The following PCBP3 variants were observed in gnomAD, a reference collection of about 807,000 sequenced individuals.
PCBP3 encodes poly(rC) binding protein 3, also known as poly(rC)-binding protein 3.
PCBP3 carries 25 observed loss-of-function variants against 52.7 expected under a neutral mutation model. That is an observed-to-expected ratio of 0.47 (90% CI 0.35 to 0.66). The LOEUF (loss-of-function observed/expected upper bound fraction) is 0.66, where lower values mean the gene tolerates loss of function less well. PCBP3 is among the 30% of genes least tolerant of loss of function. PCBP3 has a pLI of 0.01. For missense variants in PCBP3, 391 were observed against 490.3 expected (o/e 0.80, Z 1.91); for synonymous variants, 162 against 183.0 (o/e 0.89, Z 0.93).
At chr21:45,684,118 C>T (rs2082017778) in intron 2 of PCBP3, among the ~76,000 whole-genome samples, 1 of 151,006 alleles carries the variant, frequency 6.6e-6, no homozygotes, top group Non-Finnish European at 1.5e-5. Flanking sequence ...GTCCCAGCTT[C>T]TCTGGAGGTT....
chr21:45,797,590 ATGGATGAATGCATGG>A (rs2092005148), intron 4 of PCBP3, among the ~76,000 whole-genome samples: 1 of 1,288 alleles, frequency 7.8e-4, no homozygotes, highest in African/African-American at 3.2e-3. Context: ...GTGTGCATGG[ATGGATGAATGCATGG>A]ATGGATGAAT....
chr21:45,762,454 G>A (rs1345404319), intron 4 of PCBP3: 1 of 151,088 alleles, frequency 6.6e-6, no homozygotes, highest in African/African-American at 2.4e-5. Context: ...CTTAAGGGAG[G>A]GTAATTGTGC....
chr21:45,913,543 G>A (rs1040906303), intron 11 of PCBP3, among the ~76,000 whole-genome samples: 1 of 152,288 alleles, frequency 6.6e-6, no homozygotes, highest in East Asian at 1.9e-4. Flanking sequence ...GCACCGCAGG[G>A]GGCCGTCTGG....
At chr21:45,881,662 G>A (rs11911051) in intron 5 of PCBP3, among the ~76,000 whole-genome samples, 2,468 of 152,184 alleles carry the variant, frequency 0.016, 81 homozygotes, top group African/African-American at 0.056. Context: ...CAGCTCCCCA[G>A]CCTGTTTGAC....
chr21:45,727,485 G>A (rs1193404727), intron 2 of PCBP3, among the ~76,000 whole-genome samples: 1 of 152,248 alleles, frequency 6.6e-6, no homozygotes, highest in Admixed American at 6.5e-5. Flanking sequence ...AGGGCCACAT[G>A]GGAAGCACCG....
At chr21:45,898,362 T>TCCTCACGGC (rs1556197055) in intron 6 of PCBP3, among the ~76,000 whole-genome samples, 13 of 39,774 alleles carry the variant, frequency 3.3e-4, no homozygotes, top group African/African-American at 1.3e-3. Flanking sequence ...ATCCTCATGG[T>TCCTCACGGC]CTCCCTCTGC....
chr21:45,908,091 T>G (rs9984074), intron 9 of PCBP3, among the ~76,000 whole-genome samples: 61,479 of 152,082 alleles, frequency 0.4, 13,118 homozygotes, highest in African/African-American at 0.53. Flanking sequence ...AGGTGCCTCT[T>G]AATGAACAAT....
At chr21:45,762,586 G>C (rs2145532560) in intron 4 of PCBP3, 1 of 144,290 alleles carries the variant, frequency 6.9e-6, no homozygotes, top group South Asian at 2.3e-4. Context: ...TCTGCCTCCT[G>C]GGTTTGGGCG....
chr21:45,684,055 C>CAAAAA, intron 2 of PCBP3, among the ~76,000 whole-genome samples: 1 of 78,442 alleles, frequency 1.3e-5, no homozygotes, highest in Admixed American at 1.2e-4. Flanking sequence ...CCCATCTCTA[C>CAAAAA]AAAAAAAAAA....
chr21:45,908,355 C>T (rs1260127089), intron 9 of PCBP3, among the ~76,000 whole-genome samples: 2 of 152,192 alleles, frequency 1.3e-5, no homozygotes, highest in Admixed American at 1.3e-4. Flanking sequence ...CCCAGCCTCA[C>T]CAGAAAGAAC....
At chr21:45,665,341 G>C (rs1443945307) in intron 1 of PCBP3, among the ~76,000 whole-genome samples, 2 of 152,074 alleles carry the variant, frequency 1.3e-5, no homozygotes, top group Non-Finnish European at 2.9e-5. Context: ...TCAGGAGTTT[G>C]AGGCTACAGT....
At chr21:45,816,039 A>G (rs1446451594) in intron 4 of PCBP3, among the ~76,000 whole-genome samples, 7 of 85,998 alleles carry the variant, frequency 8.1e-5, no homozygotes, top group Admixed American at 2.3e-4. Flanking sequence ...GTGAGTGGTG[A>G]GTGAGTGGTG....
chr21:45,852,302 A>G (rs917576658), intron 5 of PCBP3, among the ~76,000 whole-genome samples: 3 of 152,216 alleles, frequency 2.0e-5, no homozygotes, highest in African/African-American at 7.2e-5. Flanking sequence ...CCTGGAAAAG[A>G]CAAGGGAAAA....
intron 2 of PCBP3, among the ~76,000 whole-genome samples, chr21:45,718,844 G>T (rs945899267): frequency 8.5e-5 from 13 of 152,140 alleles, no homozygotes; most frequent in Admixed American, 8.5e-4. Context: ...AAATGAATGT[G>T]ATTGCCACAG....
intron 4 of PCBP3, chr21:45,760,762 T>A (rs1483933473): frequency 6.6e-6 from 1 of 152,090 alleles, no homozygotes; most frequent in African/African-American, 2.4e-5. Flanking sequence ...ATTGGAAATG[T>A]CTAAAATATT....
chr21:45,824,085 CT>C (rs2093235923), intron 4 of PCBP3, among the ~76,000 whole-genome samples: 1 of 152,172 alleles, frequency 6.6e-6, no homozygotes, highest in South Asian at 2.1e-4. Flanking sequence ...TATAATGTGT[CT>C]TTAGTTGATT....
chr21:45,920,372 T>G (rs1279069553), intron 13 of PCBP3, among the ~76,000 whole-genome samples: 1 of 152,210 alleles, frequency 6.6e-6, no homozygotes, highest in Non-Finnish European at 1.5e-5. Context: ...TGGCTTTTAC[T>G]TCGATTGGTG....
chr21:45,755,642 T>A (rs1569186359), intron 4 of PCBP3, among the ~76,000 whole-genome samples, 190 bp downstream of exon 4: 1 of 152,200 alleles, frequency 6.6e-6, no homozygotes, highest in Non-Finnish European at 1.5e-5. Context: ...GGTGTCACAT[T>A]ATAGTTTTAA....
At position 45,743,569 on chromosome 21, in the gene PCBP3, C is replaced by G. The variant is rs139630964; in HGVS notation, c.-162+8140C>G. Among the ~76,000 whole-genome samples the G allele has an allele frequency of 1.8e-3, 269 of 152,250 alleles. 2 individuals carry two copies. The highest frequency in any genetic ancestry group is 2.7e-3 in the Non-Finnish European group (181 of 68,022). On this transcript the variant is annotated intron_variant, in intron 3 of 17. Coordinates refer to ENST00000681687, the MANE Select transcript of PCBP3 (RefSeq NM_001384156.1). The stretch of plus-strand genomic sequence containing the variant: ...TGGAATAAACCCCGTTAGGCCATAG[C>G]TCTTCCAATTATAATATGCTCCCAG...
Sources: gnomAD v4.1 joint callset for allele counts (sites outside exome capture counted in the v4.1 genomes callset) on GRCh38, gnomAD v4.1.1 for gene constraint, MANE v1.5 for transcripts, NCBI Gene and HGNC (gene_info 2026-07-23, HGNC 2026-07-21) for gene names.